PFKP: variants seen among roughly 807,000 people sequenced by gnomAD.
PFKP encodes phosphofructokinase, platelet.
Under a neutral mutation model 94.3 loss-of-function variants are expected in PFKP, and 101 were observed. That is an observed-to-expected ratio of 1.07 (90% confidence interval 0.91 to 1.26). The LOEUF is 1.26. Ranked by LOEUF, PFKP falls within the 50% of genes most tolerant of loss-of-function variation. PFKP has a pLI of 0.00. For missense variants in PFKP, 1,145 were observed against 1,103.3 expected, an observed-to-expected ratio of 1.04 and a Z score of -0.53; for synonymous variants, 573 against 432.6, an observed-to-expected ratio of 1.32 and a Z score of -4.03.
In PFKP at chr10:3,136,061, C is replaced by T. The variant is rs147140633; in HGVS notation, c.2225+223C>T. ...CAGGTGGATCACAAGGTCAAGAGAT[C>T]GAGACCAACCTGGCTCATATGGTGA... On this transcript the variant is annotated intron_variant, in intron 21 of 21. Transcript: ENST00000381125. 1.8e-3 allele frequency among the ~76,000 whole-genome samples: 279 copies of T among 152,216 alleles called. 2 individuals are homozygous for T. Among genetic ancestry groups the T allele is most frequent in the African/African-American group, 6.4e-3 (264 of 41,522 alleles).
At position 3,080,516 on chromosome 10, in the gene PFKP, C is replaced by CAAA. The variant is rs869281524; in HGVS notation, c.113-1850_113-1848dup. On this transcript the variant is annotated intron_variant, in intron 1 of 21. Transcript: ENST00000381125. Reference sequence around the variant, plus strand: ...TGGGAGACAGAGCGAGACTCCGTCTCAAAAAAAAAAAAAAAAAAAAAAAAG... The same window carrying CAAA: ...TGGGAGACAGAGCGAGACTCCGTCTCAAAAAAAAAAAAAAAAAAAAAAAAAAAG... 3.6e-3 allele frequency among the ~76,000 whole-genome samples: 250 copies of CAAA among 68,610 alleles called. 8 individuals carry two copies. The highest frequency in any genetic ancestry group is 8.5e-3 in the African/African-American group (133 of 15,618). The allele number at this position is 68,610 out of a possible 152,430, so 45.0% of individuals were successfully genotyped here. A position where few individuals can be genotyped will look rare whatever the true frequency, so the allele number is the denominator to read the frequency against.
intron 20 of PFKP, among the ~76,000 whole-genome samples, chr10:3,134,910 G>A (rs1039347619): frequency 1.3e-5 from 2 of 152,122 alleles, no homozygotes; most frequent in East Asian, 3.8e-4. Flanking sequence ...TCTATTTTTT[G>A]AATGTTTGCT....
At chr10:3,103,985 C>T (rs773995294) in intron 5 of PFKP, 41 bp downstream of exon 5, 93 of 1,591,376 alleles carry the variant, frequency 5.8e-5, no homozygotes, top group East Asian at 1.1e-4. Context: ...CAGTGGGGCC[C>T]GACGTGTGCC....
At position 3,101,554 on chromosome 10, in the gene PFKP, G is replaced by A. The variant is rs144684000; in HGVS notation, c.454G>A (p.Gly152Ser). ...GCTGCTGGAGGAGCTGGCCAGGAAC[G>A]GTGAGTGGACACCTGCTCCTCTGTC... ...SGLLEELARNGQIDKEAVQKY... is the reference protein window; with the variant it reads ...SGLLEELARNSQIDKEAVQKY... The change falls in exon 4 of 22, where the codon GGC (glycine) becomes AGC (serine). Residue 152 changes from glycine to serine, a missense_variant and splice_region_variant. Gly to Ser is a moderately conservative substitution (Grantham distance 56, BLOSUM62 0). Transcript: ENST00000381125. 42 of 1,530,554 alleles carry A rather than the reference G, an allele frequency of 2.7e-5. No individual in the cohort carries two copies. The highest frequency in any genetic ancestry group is 2.3e-4 in the Middle Eastern group (1 of 4,386). The allele number at this position is 1,530,554 out of a possible 1,614,324, so 94.8% of individuals were successfully genotyped here.
chr10:3,115,140 C>T (rs1262248925), intron 13 of PFKP, among the ~76,000 whole-genome samples: 3 of 152,198 alleles, frequency 2.0e-5, no homozygotes, highest in Non-Finnish European at 2.9e-5. Flanking sequence ...GGTAGAGTTG[C>T]AATTTATGAG....
intron 2 of PFKP, 127 bp downstream of exon 2, chr10:3,082,588 GAT>G (rs1833173606): frequency 1.9e-6 from 1 of 539,006 alleles, no homozygotes; most frequent in Non-Finnish European, 3.1e-6. Context: ...AGGGGAGCAA[GAT>G]CCTGCCAGCC....
chr10:3,134,705 AC>A, intron 20 of PFKP, 123 bp downstream of exon 20: 1 of 638,788 alleles, frequency 1.6e-6, no homozygotes, highest in Non-Finnish European at 2.8e-6. Flanking sequence ...ACTGAGCTGC[AC>A]GTGATGTTTT....
intron 18 of PFKP, 115 bp downstream of exon 18, chr10:3,132,556 TAC>T: frequency 2.7e-6 from 2 of 727,894 alleles, no homozygotes; most frequent in African/African-American, 1.7e-5. Flanking sequence ...TAGAGTGCAC[TAC>T]ACACACTGAG....
At chr10:3,068,886 G>C (rs562610849) in intron 1 of PFKP, 4 of 202,966 alleles carry the variant, frequency 2.0e-5, no homozygotes, top group Admixed American at 2.0e-4. Context: ...CCGGATGGCG[G>C]ATTTCCTCCC....
intron 16 of PFKP, among the ~76,000 whole-genome samples, chr10:3,120,610 G>T (rs1837309202): frequency 6.6e-6 from 1 of 152,142 alleles, no homozygotes; most frequent in South Asian, 2.1e-4. Flanking sequence ...AATAATTGGT[G>T]CTACTTTAGT....
Position 3,067,616 on chromosome 10 carries a change from G to A in PFKP, c.21G>A (p.Arg7=). The change falls in exon 1 of 22, where the codon CGG becomes CGA. Residue 7 remains arginine, a synonymous_variant. Transcript: ENST00000381125. MDADDS[R]APKGSLRKFL... The stretch of plus-strand genomic sequence containing the variant: ...TCGCCATGGACGCGGACGACTCCCG[G>A]GCCCCCAAGGGCTCCTTGCGGAAGT... 1 of 1,530,008 alleles carries A rather than the reference G, an allele frequency of 6.5e-7. No homozygotes were observed. The highest frequency in any genetic ancestry group is 8.8e-7 in the Non-Finnish European group (1 of 1,137,924). The allele number at this position is 1,530,008 out of a possible 1,614,324, so 94.8% of individuals were successfully genotyped here. A position where few individuals can be genotyped will look rare whatever the true frequency, so the allele number is the denominator to read the frequency against.
At chr10:3,126,408 T>C (rs1339005022) in intron 16 of PFKP, among the ~76,000 whole-genome samples, 3 of 152,210 alleles carry the variant, frequency 2.0e-5, no homozygotes. Flanking sequence ...TGAATGCCAT[T>C]AGGGTCCGGC....
chr10:3,068,697 C>T (rs191562565), intron 1 of PFKP: 12 of 985,214 alleles, frequency 1.2e-5, no homozygotes, highest in Non-Finnish European at 1.4e-5. Context: ...GTGGGGGCGC[C>T]GGTGCCCGGA....
rs184021850 is a variant in PFKP, at chr10:3,078,606, A to G, written c.113-3782A>G. On this transcript the variant is annotated intron_variant, in intron 1 of 21. Transcript: ENST00000381125. ...GGCATTGTAATAGAGGAAATTAGGAAGGCTTGAAAGTTAAAATGAAATAAG... is the reference window on the plus strand; with the variant it reads ...GGCATTGTAATAGAGGAAATTAGGAGGGCTTGAAAGTTAAAATGAAATAAG... Among the ~76,000 whole-genome samples the G allele has an allele frequency of 8.5e-5, 13 of 152,358 alleles. No individual in the cohort carries two copies. In the East Asian group the frequency reaches 2.5e-3, roughly 29 times the overall value.
At chr10:3,093,696 T>C (rs939521278) in intron 2 of PFKP, among the ~76,000 whole-genome samples, 4 of 137,108 alleles carry the variant, frequency 2.9e-5, no homozygotes, top group African/African-American at 8.3e-5. Flanking sequence ...CAGGCTGGAG[T>C]GCAGTGGCGC....
At chr10:3,096,580 A>T (rs1317913818) in intron 2 of PFKP, among the ~76,000 whole-genome samples, 1 of 151,420 alleles carries the variant, frequency 6.6e-6, no homozygotes, top group Non-Finnish European at 1.5e-5. Context: ...GGCTTGGAGG[A>T]TGGGAGGTCG....
chr10:3,110,728 A>G (rs1836120215), intron 10 of PFKP, among the ~76,000 whole-genome samples: 1 of 152,092 alleles, frequency 6.6e-6, no homozygotes, highest in African/African-American at 2.4e-5. Context: ...ATGTATGTAT[A>G]TGTGTGTGCA....
At chr10:3,093,638 C>T (rs1427584246) in intron 2 of PFKP, among the ~76,000 whole-genome samples, 25 of 94,052 alleles carry the variant, frequency 2.7e-4, no homozygotes, top group African/African-American at 7.1e-4. Flanking sequence ...CAAGCATTAT[C>T]TTTTTTTTTT....
chr10:3,121,581 GTTTTTT>G (rs10528387), intron 16 of PFKP, among the ~76,000 whole-genome samples: 83 of 133,092 alleles, frequency 6.2e-4, no homozygotes, highest in Non-Finnish European at 2.9e-4. Flanking sequence ...ATAAATAACT[GTTTTTT>G]TTTTTTTTTT....
Sources: allele counts gnomAD v4.1 joint callset (sites outside exome capture counted in the v4.1 genomes callset), GRCh38; gene constraint gnomAD v4.1.1; transcripts MANE v1.5; gene names NCBI Gene and HGNC (gene_info 2026-07-23, HGNC 2026-07-21).